ZNRF3: variants seen among roughly 807,000 people sequenced by gnomAD.
ZNRF3 encodes E3 ubiquitin-protein ligase ZNRF3.
ZNRF3 carries 23 observed loss-of-function variants against 72.5 expected under a neutral mutation model. The ratio of observed to expected loss-of-function variants is 0.32; its 90% confidence interval spans 0.23 to 0.45. The LOEUF (loss-of-function observed/expected upper bound fraction) is 0.45, where lower values mean the gene tolerates loss of function less well. ZNRF3 is among the 20% of genes least tolerant of loss of function. The pLI, the probability that ZNRF3 is intolerant of heterozygous loss-of-function variation, is 1.00. For synonymous variants in ZNRF3, 610 were observed against 545.3 expected (o/e 1.12, Z -1.65); for missense variants, 1,169 against 1,272.1 (o/e 0.92, Z 1.23).
intron 1 of ZNRF3, among the ~76,000 whole-genome samples, chr22:28,931,223 A>G (rs2034700620): frequency 6.6e-6 from 1 of 152,206 alleles, no homozygotes; most frequent in South Asian, 2.1e-4. Flanking sequence ...GTTGACTAAA[A>G]TTAGAGCCGT....
intron 2 of ZNRF3, among the ~76,000 whole-genome samples, chr22:29,019,479 G>A (rs1366867454): frequency 6.6e-6 from 1 of 152,118 alleles, no homozygotes; most frequent in Non-Finnish European, 1.5e-5. Flanking sequence ...GTTCCCATAT[G>A]AAAGCTGAAG....
At chr22:28,949,070 T>C (rs561305627) in intron 1 of ZNRF3, among the ~76,000 whole-genome samples, 1 of 150,210 alleles carries the variant, frequency 6.7e-6, no homozygotes, top group South Asian at 2.1e-4. Context: ...ACCTCTGCCT[T>C]CCGGGTTCAA....
At chr22:28,886,278 T>C (rs1569233724) in intron 1 of ZNRF3, among the ~76,000 whole-genome samples, 1 of 152,222 alleles carries the variant, frequency 6.6e-6, no homozygotes, top group Non-Finnish European at 1.5e-5. Context: ...GAAAAAGTTT[T>C]TTGTAAGGAA....
chr22:28,983,389 A>G lies in ZNRF3; in HGVS notation c.301-3687A>G, dbSNP rs117207964. ...TTCTGCATGCCCGGACACGCTCTCC[A>G]CATGCCTTTCCTGAGGCCGTGTGTT... is the stretch of plus-strand genomic sequence containing the variant. On this transcript the variant is annotated intron_variant, in intron 1 of 8. Transcript: ENST00000544604. Among the ~76,000 whole-genome samples the G allele has an allele frequency of 3.8e-3, 584 of 152,282 alleles. 26 individuals carry two copies. The East Asian group carries it at 0.089, about 23-fold the overall frequency.
intron 8 of ZNRF3, among the ~76,000 whole-genome samples, chr22:29,051,248 C>G (rs1236468303): frequency 6.6e-6 from 1 of 152,152 alleles, no homozygotes; most frequent in Non-Finnish European, 1.5e-5. Flanking sequence ...CACCAAAAAC[C>G]TAGCACCAGC....
At chr22:28,962,589 A>G (rs1478971779) in intron 1 of ZNRF3, among the ~76,000 whole-genome samples, 1 of 152,088 alleles carries the variant, frequency 6.6e-6, no homozygotes, top group Non-Finnish European at 1.5e-5. Context: ...TTTCTTCCAT[A>G]GTTATAGATG....
chr22:29,051,349 C>A (rs1234649267), intron 8 of ZNRF3, among the ~76,000 whole-genome samples: 1 of 152,160 alleles, frequency 6.6e-6, no homozygotes, highest in African/African-American at 2.4e-5. Context: ...GAGTTGGAGA[C>A]AGCCTGGCCA....
At chr22:28,961,192 A>G (rs574219733) in intron 1 of ZNRF3, among the ~76,000 whole-genome samples, 1 of 152,218 alleles carries the variant, frequency 6.6e-6, no homozygotes, top group African/African-American at 2.4e-5. Flanking sequence ...TTATAAGGGC[A>G]CTAATCTGTT....
chr22:29,030,845 G>T lies in ZNRF3; in HGVS notation c.427-11650G>T, dbSNP rs190053550. ...AGCCGCGGGAGGGGGGATGTTGGCC[G>T]CAGGGCCTCGGAGTTCTGAGCTGTG... On this transcript the variant is annotated intron_variant, in intron 2 of 8. Transcript: ENST00000544604. The surrounding 1 kb of genome is among the most constrained non-coding windows in gnomAD (Gnocchi z 4.2). 2.9e-3 allele frequency among the ~76,000 whole-genome samples: 448 copies of T among 152,292 alleles called. No individual in the cohort carries two copies. The highest frequency in any genetic ancestry group is 0.01 in the African/African-American group (432 of 41,552).
At chr22:29,018,286 C>A (rs1008488823) in intron 2 of ZNRF3, 6 of 245,740 alleles carry the variant, frequency 2.4e-5, no homozygotes, top group Non-Finnish European at 5.0e-5. Context: ...GAAAATGATT[C>A]TTTATGGAGA....
At chr22:28,922,473 C>T (rs551401419) in intron 1 of ZNRF3, among the ~76,000 whole-genome samples, 4 of 152,182 alleles carry the variant, frequency 2.6e-5, no homozygotes, top group African/African-American at 7.2e-5. Flanking sequence ...TTCTTGGATC[C>T]GTATTCGCAC....
chr22:28,942,007 T>G (rs2034956293), intron 1 of ZNRF3, among the ~76,000 whole-genome samples: 1 of 152,186 alleles, frequency 6.6e-6, no homozygotes, highest in South Asian at 2.1e-4. Flanking sequence ...CCAGACTGCA[T>G]AAGTCTTCGA....
chr22:29,012,483 C>T (rs1163923275), intron 2 of ZNRF3, among the ~76,000 whole-genome samples: 1 of 152,222 alleles, frequency 6.6e-6, no homozygotes, highest in Non-Finnish European at 1.5e-5. Flanking sequence ...TGCTCAATTT[C>T]ATTTCTCTTT....
At chr22:28,926,965 T>C (rs1601566698) in intron 1 of ZNRF3, among the ~76,000 whole-genome samples, 1 of 147,768 alleles carries the variant, frequency 6.8e-6, no homozygotes, top group African/African-American at 2.5e-5. Context: ...CTACTAAAAA[T>C]ACAAAAATTA....
chr22:28,999,732 T>A (rs2036111624), intron 2 of ZNRF3, among the ~76,000 whole-genome samples: 1 of 152,236 alleles, frequency 6.6e-6, no homozygotes, highest in Non-Finnish European at 1.5e-5. Context: ...CTGCACATGA[T>A]TGGTTTTCTG....
At chr22:28,917,962 G>A (rs2034438456) in intron 1 of ZNRF3, among the ~76,000 whole-genome samples, 1 of 152,234 alleles carries the variant, frequency 6.6e-6, no homozygotes. Flanking sequence ...CAAGAGGCCT[G>A]TTCTGTTAGC....
intron 2 of ZNRF3, among the ~76,000 whole-genome samples, chr22:29,008,346 C>G (rs998650379): frequency 2.0e-5 from 3 of 152,182 alleles, no homozygotes; most frequent in African/African-American, 7.2e-5. Context: ...TGTTTGTGCT[C>G]TCCCTGAGGG....
At chr22:29,040,465 G>A (rs1025027923) in intron 2 of ZNRF3, among the ~76,000 whole-genome samples, 7 of 151,676 alleles carry the variant, frequency 4.6e-5, no homozygotes, top group Admixed American at 2.6e-4. Flanking sequence ...ACAGGCATAA[G>A]CCACCATGCC....
Position 29,053,899 on chromosome 22 carries a change from G to A in ZNRF3, c.*277G>A. 3.4e-6 allele frequency: 1 copy of A among 290,338 alleles called. No individual in the cohort carries two copies. 18.0% of individuals were successfully genotyped at this position (290,338 alleles called of 1,614,324 possible). On this transcript the variant is annotated 3_prime_UTR_variant, in exon 9 of 9. Transcript: ENST00000544604. The stretch of plus-strand genomic sequence containing the variant: ...AAGTGTGTGTGCTTGGGGTTCCGAG[G>A]TGTGGGATTGAGTTCTCTGCTTTGT...
Sources: allele counts gnomAD v4.1 joint callset (sites outside exome capture counted in the v4.1 genomes callset), GRCh38; gene constraint gnomAD v4.1.1; non-coding constraint Gnocchi (gnomAD v3.1); transcripts MANE v1.5; gene names NCBI Gene and HGNC (gene_info 2026-07-23, HGNC 2026-07-21).